The following ANO10 variants were observed in gnomAD, a reference collection of about 807,000 sequenced individuals.
ANO10 encodes anoctamin-10.
A neutral mutation model predicts 74.7 loss-of-function variants in ANO10; 77 were observed. That is an observed-to-expected ratio of 1.03 (90% CI 0.86 to 1.25). ANO10 has a LOEUF of 1.25. Ranked by LOEUF, ANO10 falls within the 50% of genes most tolerant of loss-of-function variation. The probability of loss-of-function intolerance (pLI) is 0.00; values close to 1 mark genes in which losing one functional copy is unlikely to be tolerated. For missense variants in ANO10, 721 were observed against 778.1 expected (o/e 0.93, Z 0.87); for synonymous variants, 279 against 284.9 (o/e 0.98, Z 0.21).
intron 12 of ANO10, among the ~76,000 whole-genome samples, chr3:43,402,444 T>C (rs2092499581): frequency 6.6e-6 from 1 of 152,216 alleles, no homozygotes; most frequent in Non-Finnish European, 1.5e-5. Flanking sequence ...ACTTTGCATA[T>C]TTTAAAACAT....
chr3:43,569,273 A>T (rs1164912253), intron 7 of ANO10, among the ~76,000 whole-genome samples: 12 of 125,518 alleles, frequency 9.6e-5, no homozygotes, highest in South Asian at 2.8e-4. Flanking sequence ...AGGAACTGGT[A>T]CCATTCCTTC....
At chr3:43,608,576 T>C (rs2082667405) in intron 1 of ANO10, among the ~76,000 whole-genome samples, 1 of 152,028 alleles carries the variant, frequency 6.6e-6, no homozygotes, top group Non-Finnish European at 1.5e-5. Context: ...ATGGCCTTTG[T>C]TTTGTTTTGT....
At chr3:43,568,295 G>C (rs2080486330) in intron 7 of ANO10, among the ~76,000 whole-genome samples, 1 of 151,854 alleles carries the variant, frequency 6.6e-6, no homozygotes, top group Non-Finnish European at 1.5e-5. Context: ...AAGTCAACAA[G>C]GATACCCAGG....
rs528503788 is a variant in ANO10 at position 43,492,538 on chromosome 3, C to T, written c.1797+57182G>A. Among the ~76,000 whole-genome samples, 6 of 152,244 alleles carry T rather than the reference C, an allele frequency of 3.9e-5. No individual in the cohort carries two copies. The South Asian group carries it at 1.2e-3, about 32-fold the overall frequency. On this transcript the variant is annotated intron_variant, in intron 11 of 12. Transcript: ENST00000292246. The stretch of plus-strand genomic sequence containing the variant: ...ATGGGAGAATATTTTTGCAATCTTT[C>T]CATCTGACAAAGGGCTAATATCCAG...
chr3:43,492,306 C>T (rs957608355), intron 11 of ANO10, among the ~76,000 whole-genome samples: 5 of 152,206 alleles, frequency 3.3e-5, no homozygotes, highest in Non-Finnish European at 4.4e-5. Context: ...GGATCAAAGA[C>T]TTAAACGTAA....
chr3:43,376,505 T>C (rs1043852339), intron 12 of ANO10, among the ~76,000 whole-genome samples: 1 of 152,182 alleles, frequency 6.6e-6, no homozygotes, highest in African/African-American at 2.4e-5. Flanking sequence ...AAAGAAGTAA[T>C]ATAATTATAT....
chr3:43,398,395 T>C (rs772090048), intron 12 of ANO10, among the ~76,000 whole-genome samples: 13 of 152,238 alleles, frequency 8.5e-5, no homozygotes, highest in Admixed American at 7.8e-4. Context: ...AAGTCTGTCA[T>C]TAAAACTTTT....
At chr3:43,587,595 A>G (rs1305505520) in intron 4 of ANO10, among the ~76,000 whole-genome samples, 1 of 152,212 alleles carries the variant, frequency 6.6e-6, no homozygotes, top group Non-Finnish European at 1.5e-5. Context: ...CTGACCGTAA[A>G]GCACTGCTTC....
At chr3:43,383,431 G>C (rs1407051651) in intron 12 of ANO10, among the ~76,000 whole-genome samples, 1 of 140,570 alleles carries the variant, frequency 7.1e-6, no homozygotes, top group Middle Eastern at 4.1e-3. Flanking sequence ...TCCAGCCTGG[G>C]CAACAGAGCG....
intron 11 of ANO10, among the ~76,000 whole-genome samples, chr3:43,447,084 A>C (rs892754981): frequency 3.3e-5 from 5 of 152,228 alleles, no homozygotes; most frequent in Non-Finnish European, 7.3e-5. Flanking sequence ...GTACCTAGAC[A>C]GCACCCATAC....
At chr3:43,599,176 C>G (rs2082224278) in intron 3 of ANO10, among the ~76,000 whole-genome samples, 1 of 152,166 alleles carries the variant, frequency 6.6e-6, no homozygotes, top group Admixed American at 6.5e-5. Context: ...GGTGAAACCT[C>G]TTAAATAAGG....
chr3:43,595,122 G>A lies in ANO10; in HGVS notation c.472+3410C>T, dbSNP rs143798313. Among the ~76,000 whole-genome samples the A allele has an allele frequency of 3.3e-3, 504 of 152,136 alleles. 2 individuals carry two copies. Among genetic ancestry groups the A allele is most frequent in the Non-Finnish European group, 5.1e-3 (347 of 67,948 alleles). ...ACTCTGAAATTGAGGCAACAATTAA[G>A]AGACTACCAACCAAAAAAAGTCCAG... On this transcript the variant is annotated intron_variant, in intron 4 of 12. Transcript: ENST00000292246.
intron 1 of ANO10, among the ~76,000 whole-genome samples, chr3:43,681,391 T>C (rs1475354050): frequency 1.3e-5 from 2 of 152,242 alleles, no homozygotes; most frequent in African/African-American, 2.4e-5. Context: ...ATCCTAAATA[T>C]ATATGCACCC....
chr3:43,598,774 G>T (rs1308952410), intron 3 of ANO10, 108 bp from the exon 4 acceptor site: 3 of 875,946 alleles, frequency 3.4e-6, no homozygotes, highest in Non-Finnish European at 5.1e-6. Context: ...ATTAACATAA[G>T]AAGTAATCAA....
At chr3:43,690,882 A>G (rs1379494698) in intron 1 of ANO10, 1 of 1,209,810 alleles carries the variant, frequency 8.3e-7, no homozygotes, top group Non-Finnish European at 1.1e-6. Flanking sequence ...TGCGCGGAAG[A>G]CGCATGCGCT....
chr3:43,557,994 A>T (rs1444762758), intron 9 of ANO10, among the ~76,000 whole-genome samples: 1 of 151,190 alleles, frequency 6.6e-6, no homozygotes, highest in Non-Finnish European at 1.5e-5. Flanking sequence ...AGTCCCAGCT[A>T]CTCAGGAGGC....
At chr3:43,459,670 C>G (rs147365118) in intron 11 of ANO10, among the ~76,000 whole-genome samples, 1 of 152,280 alleles carries the variant, frequency 6.6e-6, no homozygotes, top group East Asian at 1.9e-4. Flanking sequence ...CTGCCAGTGC[C>G]TGTCTGGAGC....
chr3:43,643,950 C>T (rs548471950), intron 1 of ANO10, among the ~76,000 whole-genome samples: 1 of 152,260 alleles, frequency 6.6e-6, no homozygotes, highest in African/African-American at 2.4e-5. Flanking sequence ...TCCCAAAGTG[C>T]TGGGATTACA....
chr3:43,531,210 A>G (rs543910504), intron 11 of ANO10, among the ~76,000 whole-genome samples: 2 of 152,238 alleles, frequency 1.3e-5, no homozygotes, highest in Non-Finnish European at 2.9e-5. Context: ...AAAATGACAG[A>G]TCTTCAAGAA....
Sources: gnomAD v4.1 joint callset for allele counts (sites outside exome capture counted in the v4.1 genomes callset) on GRCh38, gnomAD v4.1.1 for gene constraint, MANE v1.5 for transcripts, NCBI Gene and HGNC (gene_info 2026-07-23, HGNC 2026-07-21) for gene names.